Variants in CHLSN observed in about 807,000 individuals in gnomAD.
The protein encoded by CHLSN is protein cholesin.
the CHLSN span, among the ~76,000 whole-genome samples, chr7:1,050,658 G>C: frequency 6.6e-6 from 1 of 152,220 alleles, no homozygotes. Flanking sequence ...CCGCAGCCTA[G>C]GAAGCATCTT....
the CHLSN span, among the ~76,000 whole-genome samples, chr7:1,035,181 T>C: frequency 6.6e-6 from 1 of 151,876 alleles, no homozygotes; most frequent in Non-Finnish European, 1.5e-5. Context: ...TGGTGTCATG[T>C]CTTTGCTATT....
the CHLSN span, among the ~76,000 whole-genome samples, chr7:1,018,705 A>C: frequency 6.4e-4 from 97 of 152,138 alleles, no homozygotes; most frequent in African/African-American, 2.1e-3. Context: ...GGCTGGCTTG[A>C]GCCCAGGAAT....
At chr7:1,009,816 G>A in the CHLSN span, 1 of 789,292 alleles carries the variant, frequency 1.3e-6, no homozygotes, top group Non-Finnish European at 1.9e-6. Flanking sequence ...CGGCAGCACA[G>A]GCCTGGCATG....
the CHLSN span, among the ~76,000 whole-genome samples, chr7:1,008,395 C>A: frequency 6.6e-6 from 1 of 152,192 alleles, no homozygotes; most frequent in East Asian, 1.9e-4. Flanking sequence ...ACAGCCAGCA[C>A]CTTGGGTCCC....
the CHLSN span, among the ~76,000 whole-genome samples, chr7:1,126,359 CAAAAAAAAAAAA>C: frequency 4.9e-5 from 2 of 40,490 alleles, no homozygotes; most frequent in Admixed American, 3.7e-4. Context: ...GACTCTGTCT[CAAAAAAAAAAAA>C]AAAAAAAAAA....
the CHLSN span, among the ~76,000 whole-genome samples, chr7:1,065,693 C>G: frequency 1.3e-5 from 2 of 152,210 alleles, no homozygotes; most frequent in African/African-American, 4.8e-5. Flanking sequence ...GGCGGTCTCC[C>G]TTGCCGGGGT....
At chr7:1,002,535 GT>G in the CHLSN span, among the ~76,000 whole-genome samples, 1 of 96,558 alleles carries the variant, frequency 1.0e-5, no homozygotes, top group African/African-American at 4.9e-5. Flanking sequence ...CTGTGGGTGA[GT>G]GGAGCCCTGT....
chr7:999,354 G>C, the CHLSN span, among the ~76,000 whole-genome samples: 1 of 152,214 alleles, frequency 6.6e-6, no homozygotes, highest in Admixed American at 6.5e-5. Context: ...GGCTTCCCAG[G>C]CTGTTCCAGT....
At chr7:1,012,738 G>A in the CHLSN span, among the ~76,000 whole-genome samples, 1 of 152,390 alleles carries the variant, frequency 6.6e-6, no homozygotes, top group East Asian at 1.9e-4. Context: ...GGGGCAGCTG[G>A]AGTGAGGGTG....
At chr7:994,353 C>G in the CHLSN span, among the ~76,000 whole-genome samples, 4,185 of 151,968 alleles carry the variant, frequency 0.028, 157 homozygotes, top group Non-Finnish European at 0.036. Flanking sequence ...TAGAGATGGG[C>G]TTTCACCAGG....
the CHLSN span, among the ~76,000 whole-genome samples, chr7:1,071,660 C>T: frequency 2.6e-5 from 4 of 152,274 alleles, no homozygotes; most frequent in Non-Finnish European, 4.4e-5. Flanking sequence ...GCAAAGGCAC[C>T]GGGTGGGAGG....
At chr7:1,034,158 T>C in the CHLSN span, among the ~76,000 whole-genome samples, 2 of 152,248 alleles carry the variant, frequency 1.3e-5, no homozygotes, top group East Asian at 3.8e-4. Context: ...ATTCCCGTGC[T>C]ACCACCACCT....
chr7:987,612 G>T, the CHLSN span: 11 of 1,331,878 alleles, frequency 8.3e-6, no homozygotes, highest in Non-Finnish European at 1.1e-5. Flanking sequence ...GGACGGCTGA[G>T]CGTCTGGTGG....
chr7:984,516 G>C, the CHLSN span: 3 of 1,552,776 alleles, frequency 1.9e-6, no homozygotes, highest in African/African-American at 2.7e-5. Flanking sequence ...CGGGCCCCGG[G>C]CAGGAGCTGG....
At chr7:1,028,585 C>A in the CHLSN span, 1 of 985,002 alleles carries the variant, frequency 1.0e-6, no homozygotes, top group Non-Finnish European at 1.2e-6. Flanking sequence ...GCGCGAACTG[C>A]GGGGAGGGCG....
chr7:1,006,219 T>C, the CHLSN span, among the ~76,000 whole-genome samples: 1 of 152,064 alleles, frequency 6.6e-6, no homozygotes, highest in South Asian at 2.1e-4. Flanking sequence ...GCAACACGGC[T>C]CTGAGCTGGA....
chr7:1,102,406 C>A, the CHLSN span, among the ~76,000 whole-genome samples: 2 of 152,212 alleles, frequency 1.3e-5, no homozygotes, highest in African/African-American at 4.8e-5. Context: ...TCGGCGTCTG[C>A]AGCCACACTC....
At chr7:1,070,316 GC>G in the CHLSN span, among the ~76,000 whole-genome samples, 2 of 142,142 alleles carry the variant, frequency 1.4e-5, no homozygotes, top group African/African-American at 5.1e-5. Context: ...TGGGGGGTCA[GC>G]CCCCCGCCTG....
chr7:1,118,028 G>A, the CHLSN span, among the ~76,000 whole-genome samples: 1 of 152,168 alleles, frequency 6.6e-6, no homozygotes, highest in Non-Finnish European at 1.5e-5. Context: ...GTCACATGCT[G>A]CCCATCTTCT....
Sources: allele counts gnomAD v4.1 joint callset (sites outside exome capture counted in the v4.1 genomes callset), GRCh38; gene constraint gnomAD v4.1.1; transcripts MANE v1.5; gene names NCBI Gene and HGNC (gene_info 2026-07-23, HGNC 2026-07-21).